Variants in DENND11 observed in about 807,000 individuals in gnomAD.
The protein encoded by DENND11 is DENN domain containing 11.
A neutral mutation model predicts 49.2 loss-of-function variants in DENND11; 34 were observed. The observed-to-expected ratio is 0.69, with a 90% CI of 0.53 to 0.92. DENND11 has a LOEUF of 0.92. Among genes scored for constraint, DENND11 ranks in the 40% least tolerant of loss-of-function variants. The pLI is 0.00. For missense variants in DENND11, 475 were observed against 581.6 expected (o/e 0.82, Z 1.88); for synonymous variants, 238 against 230.3 (o/e 1.03, Z -0.30).
chr7:141,672,150 G>A (rs1052061669), intron 4 of DENND11, among the ~76,000 whole-genome samples: 1 of 152,222 alleles, frequency 6.6e-6, no homozygotes, highest in African/African-American at 2.4e-5. Context: ...AGCACTGGCT[G>A]TGCAGGGACC....
At position 141,660,379 on chromosome 7, in the gene DENND11, T is replaced by C. The variant is rs1156559688; in HGVS notation, c.*2277A>G. On this transcript the variant is annotated 3_prime_UTR_variant, in exon 9 of 9. Transcript: ENST00000536163. ...GCCACCCATACCCTGGCCCTCTGCA[T>C]GAGCAGGAGGGTGGACACGTGGAGA... is the stretch of plus-strand genomic sequence containing the variant. 1.3e-5 allele frequency: 2 copies of C among 152,168 alleles called. No individual in the cohort carries two copies. The highest frequency in any genetic ancestry group is 3.9e-4 in the East Asian group (2 of 5,180). The allele number at this position is 152,168 out of a possible 1,614,324, so 9.4% of individuals were successfully genotyped here.
Position 141,665,044 on chromosome 7 carries a change from C to A in DENND11, c.963G>T (p.Glu321Asp), listed in dbSNP as rs750883323. 6.2e-7 allele frequency: 1 copy of A among 1,613,814 alleles called. No homozygotes were observed. The change falls in exon 7 of 9, where the codon GAG (glutamate) becomes GAT (aspartate). Residue 321 changes from glutamate (E) to aspartate (D), a missense_variant. Physicochemically the swap from Glu to Asp is conservative, Grantham distance 45. Transcript: ENST00000536163. ...GCTCCCGCTTCTCCTCGAATATCTTCTCTGTGGTGCCTGTGGAACCCGGGG... is the reference window on the plus strand; with the variant it reads ...GCTCCCGCTTCTCCTCGAATATCTTATCTGTGGTGCCTGTGGAACCCGGGG... ...VEVSYVACTT[E>D]KIFEEKRELY... is the part of the protein sequence containing the mutation.
At chr7:141,667,396 G>A (rs116769241) in intron 4 of DENND11, among the ~76,000 whole-genome samples, 5 of 152,258 alleles carry the variant, frequency 3.3e-5, no homozygotes, top group East Asian at 1.9e-4. Flanking sequence ...TAATGTTTCC[G>A]GTTCACTATC....
At chr7:141,687,518 C>T (rs1798261171) in intron 1 of DENND11, among the ~76,000 whole-genome samples, 1 of 151,326 alleles carries the variant, frequency 6.6e-6, no homozygotes, top group South Asian at 2.1e-4. Context: ...GGCTGGAGTG[C>T]AGTGGCACAA....
At chr7:141,664,085 C>A (rs1010856669) in intron 8 of DENND11, 87 bp downstream of exon 8, 2 of 1,129,820 alleles carry the variant, frequency 1.8e-6, no homozygotes, top group South Asian at 2.8e-5. Flanking sequence ...ATCCCTGGCC[C>A]GCAGTGAATG....
intron 1 of DENND11, among the ~76,000 whole-genome samples, chr7:141,695,838 C>A (rs1232704522): frequency 6.6e-6 from 1 of 152,214 alleles, no homozygotes; most frequent in Non-Finnish European, 1.5e-5. Flanking sequence ...CAGGTACTTA[C>A]AGGCACTTCC....
In DENND11 at chr7:141,680,720, T is replaced by C. The variant is rs528653359; in HGVS notation, c.527+4758A>G. Among the ~76,000 whole-genome samples, 72 of 151,910 alleles carry C rather than the reference T, an allele frequency of 4.7e-4. 1 individual carries two copies. Among genetic ancestry groups the C allele is most frequent in the East Asian group, 3.4e-3 (17 of 4,996 alleles). On this transcript the variant is annotated intron_variant, in intron 3 of 8. Transcript: ENST00000536163. ...TGGAGCCAAGGTCTTTCCCTCTTCCTACATGCTAGAAAATGACAATGTAAT... is the reference window on the plus strand; with the variant it reads ...TGGAGCCAAGGTCTTTCCCTCTTCCCACATGCTAGAAAATGACAATGTAAT...
At chr7:141,673,991 C>A in intron 4 of DENND11, 76 bp downstream of exon 4, 1 of 1,485,442 alleles carries the variant, frequency 6.7e-7, no homozygotes, top group Non-Finnish European at 9.1e-7. Context: ...ATTTTTTATT[C>A]ATTAAAAAGT....
At chr7:141,686,754 G>A (rs1354723875) in intron 1 of DENND11, 96 bp from the exon 2 acceptor site, 8 of 795,126 alleles carry the variant, frequency 1.0e-5, no homozygotes, top group East Asian at 5.3e-5. Context: ...TCAATAAACC[G>A]ACTGCTGACT....
At chr7:141,696,513 T>C (rs1355389606) in intron 1 of DENND11, among the ~76,000 whole-genome samples, 2 of 152,208 alleles carry the variant, frequency 1.3e-5, no homozygotes, top group Non-Finnish European at 2.9e-5. Context: ...CCTCCTGAGC[T>C]CTTCATTTCC....
At chr7:141,692,891 G>A (rs529812530) in intron 1 of DENND11, among the ~76,000 whole-genome samples, 1 of 152,220 alleles carries the variant, frequency 6.6e-6, no homozygotes, top group South Asian at 2.1e-4. Context: ...AATGTAAAAT[G>A]CAGAATTATA....
chr7:141,697,601 T>C (rs1798436949), intron 1 of DENND11, among the ~76,000 whole-genome samples: 1 of 152,212 alleles, frequency 6.6e-6, no homozygotes, highest in Non-Finnish European at 1.5e-5. Context: ...AAATTTTCCA[T>C]TCACATTCTA....
At position 141,674,228 on chromosome 7, in the gene DENND11, A is replaced by AAAAC; in HGVS notation, c.528-12_528-9dup. ...GGCATCTCCAACTGGTGCCTGCAGA[A>AAAAC]AAACACACACACACACACACACACA... On this transcript the variant is annotated splice_polypyrimidine_tract_variant and intron_variant, in intron 3 of 8. Coordinates refer to ENST00000536163, the MANE Select transcript of DENND11 (RefSeq NM_001080392.2). 6.6e-7 allele frequency: 1 copy of AAAAC among 1,525,564 alleles called. No individual in the cohort carries two copies. The highest frequency in any genetic ancestry group is 8.8e-7 in the Non-Finnish European group (1 of 1,139,000). 94.5% of individuals were successfully genotyped at this position (1,525,564 alleles called of 1,614,324 possible).
At chr7:141,690,219 C>T (rs548396409) in intron 1 of DENND11, among the ~76,000 whole-genome samples, 1 of 152,272 alleles carries the variant, frequency 6.6e-6, no homozygotes, top group Non-Finnish European at 1.5e-5. Context: ...CAGCCACCAT[C>T]CCTTGATCTT....
Position 141,662,751 on chromosome 7 carries a change from G to A in DENND11, c.1273C>T (p.Leu425=). Residue 425 remains leucine (L), a synonymous_variant, in exon 9 of 9, where the codon CTA becomes TTA. Coordinates refer to ENST00000536163, the MANE Select transcript of DENND11 (RefSeq NM_001080392.2). ...AAGCTCCGGTCTCCTTGGGGGTCTA[G>A]GCCCATGCCCCGGGCATGCTCTGCT... ...LTAEHARGMG[L]DPQGDRSFLL... The A allele has an allele frequency of 6.2e-7, 1 of 1,611,510 alleles. No individual in the cohort carries two copies. The highest frequency in any genetic ancestry group is 8.5e-7 in the Non-Finnish European group (1 of 1,178,992).
At chr7:141,667,981 A>G (rs115700330) in intron 4 of DENND11, among the ~76,000 whole-genome samples, 5 of 152,332 alleles carry the variant, frequency 3.3e-5, no homozygotes, top group African/African-American at 1.2e-4. Context: ...CATCCCTCCA[A>G]TCGCTATTTC....
chr7:141,667,697 T>C (rs1001718205), intron 4 of DENND11, among the ~76,000 whole-genome samples: 1 of 152,098 alleles, frequency 6.6e-6, no homozygotes, highest in African/African-American at 2.4e-5. Context: ...ACCACCAGCC[T>C]TCAGAGGCAC....
At position 141,695,096 on chromosome 7, in the gene DENND11, A is replaced by T. The variant is rs191280829; in HGVS notation, c.268+6790T>A. On this transcript the variant is annotated intron_variant, in intron 1 of 8. Coordinates refer to ENST00000536163, the MANE Select transcript of DENND11 (RefSeq NM_001080392.2). ...TTTGGTAGGTTCCTATCTTTTTTTT[A>T]AAAAAAATGTGCCACTGACAAAGTT... Among the ~76,000 whole-genome samples the T allele has an allele frequency of 7.7e-3, 1,166 of 151,894 alleles. 16 individuals are homozygous for T. The highest frequency in any genetic ancestry group is 0.025 in the African/African-American group (1,037 of 41,362).
intron 4 of DENND11, among the ~76,000 whole-genome samples, chr7:141,673,389 G>A (rs1304380015): frequency 1.3e-5 from 2 of 152,200 alleles, no homozygotes; most frequent in East Asian, 1.9e-4. Flanking sequence ...ACCTTTCCTG[G>A]TTCTGGAATC....
Sources: allele counts gnomAD v4.1 joint callset (sites outside exome capture counted in the v4.1 genomes callset), GRCh38; gene constraint gnomAD v4.1.1; transcripts MANE v1.5; gene names NCBI Gene and HGNC (gene_info 2026-07-23, HGNC 2026-07-21).